Variants in PCDH9 observed in about 807,000 individuals in gnomAD.
PCDH9 encodes protocadherin-9.
Under a neutral mutation model 70.6 loss-of-function variants are expected in PCDH9, and 24 were observed. The observed-to-expected ratio is 0.34, with a 90% CI of 0.25 to 0.48. The LOEUF is 0.48. PCDH9 is among the 20% of genes least tolerant of loss of function. PCDH9 has a pLI of 0.99. For synonymous variants in PCDH9, 562 were observed against 558.5 expected, an observed-to-expected ratio of 1.01 and a Z score of -0.09; for missense variants, 1,281 against 1,503.6, an observed-to-expected ratio of 0.85 and a Z score of 2.45.
chr13:66,719,185 C>T (rs2078909614), intron 3 of PCDH9, among the ~76,000 whole-genome samples: 1 of 152,152 alleles, frequency 6.6e-6, no homozygotes, highest in African/African-American at 2.4e-5. Context: ...TTGGTCCTAA[C>T]TCAACTACTC....
In PCDH9 at chr13:66,400,145, G is replaced by T. The variant is rs78336044; in HGVS notation, c.3341-95117C>A. Among the ~76,000 whole-genome samples the T allele has an allele frequency of 3.6e-3, 542 of 152,218 alleles. 2 individuals carry two copies. The highest frequency in any genetic ancestry group is 0.013 in the African/African-American group (524 of 41,552). On this transcript the variant is annotated intron_variant, in intron 4 of 4. Coordinates refer to ENST00000377865, the MANE Select transcript of PCDH9 (RefSeq NM_203487.3). ...CTGTAAGAAGTACTTGCTGTCATTG[G>T]TCATCCAAACTAAAGTTAGATTTAG...
At chr13:66,826,398 A>T (rs577666860) in intron 3 of PCDH9, among the ~76,000 whole-genome samples, 2 of 152,286 alleles carry the variant, frequency 1.3e-5, no homozygotes, top group African/African-American at 4.8e-5. Flanking sequence ...AGTAAAAGAG[A>T]TAATATAAAG....
chr13:66,689,011 A>G (rs2078444577), intron 3 of PCDH9, among the ~76,000 whole-genome samples: 1 of 152,172 alleles, frequency 6.6e-6, no homozygotes, highest in South Asian at 2.1e-4. Context: ...ATTGAAGACC[A>G]ATAGATTCAA....
At chr13:67,191,734 C>G (rs935259475) in intron 2 of PCDH9, among the ~76,000 whole-genome samples, 1 of 152,082 alleles carries the variant, frequency 6.6e-6, no homozygotes, top group Non-Finnish European at 1.5e-5. Context: ...TCTCTCTTCT[C>G]TACCTGCCCT....
chr13:67,026,889 C>A (rs1226928925), intron 2 of PCDH9, among the ~76,000 whole-genome samples: 2 of 152,006 alleles, frequency 1.3e-5, no homozygotes, highest in African/African-American at 4.8e-5. Context: ...GGAGAACTAC[C>A]AACCACTGAT....
intron 4 of PCDH9, among the ~76,000 whole-genome samples, chr13:66,386,644 AG>A (rs1956935130): frequency 1.3e-5 from 2 of 152,280 alleles, no homozygotes; most frequent in South Asian, 4.1e-4. Flanking sequence ...GCATTCCAAA[AG>A]TTATGGGGTC....
intron 4 of PCDH9, among the ~76,000 whole-genome samples, chr13:66,446,672 AATC>A (rs1160036230): frequency 1.3e-5 from 2 of 152,056 alleles, no homozygotes; most frequent in Non-Finnish European, 2.9e-5. Flanking sequence ...GAGATGAAGA[AATC>A]ATATGTTCAT....
At chr13:67,047,994 T>C (rs1182722992) in intron 2 of PCDH9, among the ~76,000 whole-genome samples, 1 of 152,182 alleles carries the variant, frequency 6.6e-6, no homozygotes, top group African/African-American at 2.4e-5. Flanking sequence ...GTTTCTGATA[T>C]TGTGTTTCTT....
Position 66,832,744 on chromosome 13 carries a change from T to C in PCDH9, c.3138+70760A>G, listed in dbSNP as rs147488799. ...TGATTGGAATCCTATCAAATAGCTG[T>C]TAATGTCAATTCAGAGATGTTTAAC... On this transcript the variant is annotated intron_variant, in intron 3 of 4. Transcript: ENST00000377865. Among the ~76,000 whole-genome samples the C allele has an allele frequency of 3.2e-4, 49 of 152,266 alleles. No homozygotes were observed. The East Asian group carries it at 8.9e-3, about 28-fold the overall frequency.
chr13:67,038,328 G>A (rs955061741), intron 2 of PCDH9, among the ~76,000 whole-genome samples: 5 of 152,064 alleles, frequency 3.3e-5, no homozygotes, highest in South Asian at 2.1e-4. Flanking sequence ...ATTCAGAAAA[G>A]CCACACATTT....
chr13:67,038,823 G>C (rs1252034941), intron 2 of PCDH9, among the ~76,000 whole-genome samples: 1 of 152,120 alleles, frequency 6.6e-6, no homozygotes, highest in African/African-American at 2.4e-5. Context: ...CCTGGTTCCC[G>C]ACACAGGGCT....
At chr13:66,717,958 C>T (rs759097770) in intron 3 of PCDH9, among the ~76,000 whole-genome samples, 1 of 152,066 alleles carries the variant, frequency 6.6e-6, no homozygotes, top group African/African-American at 2.4e-5. Flanking sequence ...ATCATGTTAA[C>T]GCATACTGTT....
intron 4 of PCDH9, among the ~76,000 whole-genome samples, chr13:66,355,794 G>A (rs1030382855): frequency 6.6e-6 from 1 of 152,140 alleles, no homozygotes; most frequent in Non-Finnish European, 1.5e-5. Flanking sequence ...AAATGATTCA[G>A]TATTGGCTAA....
chr13:66,324,741 C>T (rs1297090275), intron 4 of PCDH9, among the ~76,000 whole-genome samples: 3 of 151,802 alleles, frequency 2.0e-5, no homozygotes, highest in African/African-American at 7.3e-5. Flanking sequence ...GCAAGCAGAG[C>T]AATTAATTTT....
Position 66,431,080 on chromosome 13 carries a change from T to C in PCDH9, c.3341-126052A>G, listed in dbSNP as rs370480982. Among the ~76,000 whole-genome samples, 17 of 152,206 alleles carry C rather than the reference T, an allele frequency of 1.1e-4. No individual in the cohort carries two copies. In the East Asian group the frequency reaches 1.3e-3, roughly 12 times the overall value. On this transcript the variant is annotated intron_variant, in intron 4 of 4. Transcript: ENST00000377865. ...ATGTCCCTTTTTCATGAAATTTGACTATAGCCATGTGCATGTAGGTCCTAG... is the reference window on the plus strand; with the variant it reads ...ATGTCCCTTTTTCATGAAATTTGACCATAGCCATGTGCATGTAGGTCCTAG...
At chr13:66,462,556 CA>C (rs1233994184) in intron 4 of PCDH9, among the ~76,000 whole-genome samples, 1 of 151,746 alleles carries the variant, frequency 6.6e-6, no homozygotes, top group Non-Finnish European at 1.5e-5. Flanking sequence ...TGGGAAACTG[CA>C]AAAACAAATA....
intron 3 of PCDH9, among the ~76,000 whole-genome samples, chr13:66,802,522 A>C (rs537697570): frequency 1.1e-4 from 16 of 152,216 alleles, no homozygotes; most frequent in Admixed American, 9.2e-4. Context: ...ACAATGGAGA[A>C]TCTTATTCAA....
intron 3 of PCDH9, among the ~76,000 whole-genome samples, chr13:66,841,323 G>A (rs1236206860): frequency 6.6e-6 from 1 of 152,092 alleles, no homozygotes; most frequent in East Asian, 1.9e-4. Context: ...CTACTACTAT[G>A]TGTACTCCAT....
chr13:66,510,527 C>T (rs1204219193), intron 4 of PCDH9, among the ~76,000 whole-genome samples: 2 of 152,088 alleles, frequency 1.3e-5, no homozygotes, highest in African/African-American at 4.8e-5. Context: ...CACCCCACAA[C>T]AGGCCCTGGT....
Sources: gnomAD v4.1 joint callset for allele counts (sites outside exome capture counted in the v4.1 genomes callset) on GRCh38, gnomAD v4.1.1 for gene constraint, MANE v1.5 for transcripts, NCBI Gene and HGNC (gene_info 2026-07-23, HGNC 2026-07-21) for gene names.